Variants in GALNT9 observed in about 807,000 individuals in gnomAD.
GALNT9 encodes polypeptide N-acetylgalactosaminyltransferase 9.
Under a neutral mutation model 63.1 loss-of-function variants are expected in GALNT9, and 47 were observed. The ratio of observed to expected loss-of-function variants is 0.75; its 90% CI spans 0.59 to 0.95. The LOEUF is 0.95. GALNT9 is among the 40% of genes least tolerant of loss of function. The probability of loss-of-function intolerance (pLI) is 0.00; values close to 1 mark genes in which losing one functional copy is unlikely to be tolerated. For missense variants in GALNT9, 829 were observed against 874.8 expected (o/e 0.95, Z 0.66); for synonymous variants, 396 against 365.7 (o/e 1.08, Z -0.94).
In GALNT9 at chr12:132,196,673, G is replaced by A. The variant is rs181549382; in HGVS notation, c.*434C>T. ...TTAGGTCTTGGTTGGAGGGCTGAGC[G>A]GCCGCAAGTGCTGGGGGAGGCTGCT... On this transcript the variant is annotated 3_prime_UTR_variant, in exon 11 of 11. Transcript: ENST00000328957. 3.0e-4 allele frequency: 298 copies of A among 1,001,424 alleles called. 2 individuals carry two copies. In the African/African-American group the frequency reaches 4.4e-3, roughly 15 times the overall value. The allele number at this position is 1,001,424 out of a possible 1,614,324, so 62.0% of individuals were successfully genotyped here. A position where few individuals can be genotyped will look rare whatever the true frequency, so the allele number is the denominator to read the frequency against.
chr12:132,243,350 G>GC (rs1565997333), intron 6 of GALNT9, among the ~76,000 whole-genome samples: 1 of 96,194 alleles, frequency 1.0e-5, no homozygotes. Context: ...GGCCATCAGG[G>GC]CCCCCAGTGG....
In GALNT9 at chr12:132,327,759, GC is replaced by G. The variant is rs1555246617; in HGVS notation, c.238+1206del. Among the ~76,000 whole-genome samples, 1 of 152,146 alleles carries G rather than the reference GC, an allele frequency of 6.6e-6. No individual in the cohort carries two copies. Among genetic ancestry groups the G allele is most frequent in the Admixed American group, 6.5e-5 (1 of 15,276 alleles). ...GGGAAGGCGCTCAGGAAGTCAGGGT[GC>G]TCTGAGTCAGACAAAGCTGGGACAA... On this transcript the variant is annotated intron_variant, in intron 1 of 10. Coordinates refer to ENST00000328957, the MANE Select transcript of GALNT9 (RefSeq NM_001122636.2). This position sits in a 1 kb window ranked among gnomAD's most constrained non-coding sequence, Gnocchi z 4.3.
At chr12:132,276,545 A>G (rs1880098703) in intron 2 of GALNT9, 2 of 154,776 alleles carry the variant, frequency 1.3e-5, no homozygotes, top group Non-Finnish European at 1.5e-5. Flanking sequence ...ATCTGCATCT[A>G]TTAGAGCTGA....
chr12:132,287,083 C>T (rs868961390), intron 1 of GALNT9, among the ~76,000 whole-genome samples: 19 of 130,470 alleles, frequency 1.5e-4, no homozygotes, highest in African/African-American at 5.2e-4. Context: ...CCGTGAGCCA[C>T]AGCCCTCAGT....
intron 1 of GALNT9, among the ~76,000 whole-genome samples, chr12:132,308,482 G>A (rs1286887038): frequency 1.3e-5 from 2 of 152,306 alleles, no homozygotes; most frequent in East Asian, 3.9e-4. Flanking sequence ...CAGCCCCCAG[G>A]TGGTGCCTGC....
Position 132,196,925 on chromosome 12 carries a change from C to T in GALNT9, c.*182G>A. The T allele has an allele frequency of 7.0e-7, 1 of 1,436,230 alleles. No homozygotes were observed. Among genetic ancestry groups the T allele is most frequent in the Non-Finnish European group, 9.1e-7 (1 of 1,098,398 alleles). The allele number at this position is 1,436,230 out of a possible 1,614,324, so 89.0% of individuals were successfully genotyped here. On this transcript the variant is annotated 3_prime_UTR_variant, in exon 11 of 11. Transcript: ENST00000328957. ...GCCGCCTGTCCTAGGAGAAGCTGTA[C>T]TCCAGATGCAGTGGGTGACACCCTG...
At chr12:132,222,550 A>T (rs1877490103) in intron 6 of GALNT9, among the ~76,000 whole-genome samples, 2 of 152,074 alleles carry the variant, frequency 1.3e-5, no homozygotes, top group African/African-American at 4.8e-5. Flanking sequence ...AGCTCCTCAC[A>T]TGAACAAGCA....
intron 6 of GALNT9, chr12:132,240,576 C>A (rs2136898704): frequency 2.2e-6 from 1 of 454,112 alleles, no homozygotes; most frequent in Non-Finnish European, 4.4e-6. Context: ...CCGTGCGTGG[C>A]CCCGGGGCTC....
rs1878102154 is a variant in GALNT9 at position 132,238,938 on chromosome 12, A to G, written c.1077+8972T>C. ...ACTGTACAAATAAATACAATAAGAT[A>G]CACACCGCAGTTAAAGTGGTTGGAT... On this transcript the variant is annotated intron_variant, in intron 6 of 10. Coordinates refer to ENST00000328957, the MANE Select transcript of GALNT9 (RefSeq NM_001122636.2). This position sits in a 1 kb window ranked among gnomAD's most constrained non-coding sequence, Gnocchi z 6.5. 6.6e-6 allele frequency among the ~76,000 whole-genome samples: 1 copy of G among 152,204 alleles called. No homozygotes were observed.
intron 1 of GALNT9, among the ~76,000 whole-genome samples, chr12:132,289,063 G>C (rs1194669837): frequency 6.6e-6 from 1 of 152,186 alleles, no homozygotes; most frequent in African/African-American, 2.4e-5. Flanking sequence ...TGGGATCCTA[G>C]ATTTGGTCAG....
At chr12:132,266,725 T>G (rs1218973254) in intron 2 of GALNT9, among the ~76,000 whole-genome samples, 1 of 152,192 alleles carries the variant, frequency 6.6e-6, no homozygotes, top group Non-Finnish European at 1.5e-5. Flanking sequence ...CTTGTTACAG[T>G]GTCCACAGGA....
chr12:132,259,733 G>T (rs756845723), intron 4 of GALNT9, among the ~76,000 whole-genome samples: 4 of 152,206 alleles, frequency 2.6e-5, no homozygotes, highest in Admixed American at 6.5e-5. Context: ...AGCCAATCAT[G>T]ACAGTCCCAG....
At chr12:132,281,944 A>G (rs1415138507) in intron 2 of GALNT9, among the ~76,000 whole-genome samples, 13 of 125,490 alleles carry the variant, frequency 1.0e-4, no homozygotes, top group African/African-American at 2.1e-4. Context: ...CAGCTCCACT[A>G]CAGCAAGCCC....
Position 132,197,088 on chromosome 12 carries a change from G to T in GALNT9, c.*19C>A, listed in dbSNP as rs776572060. On this transcript the variant is annotated 3_prime_UTR_variant, in exon 11 of 11. Transcript: ENST00000328957. The stretch of plus-strand genomic sequence containing the variant: ...CCAGCGCCTTCCCGAGGTCTGTGGG[G>T]GTCCGGGCGGAGGTGGGGTCAGTGC... The T allele has an allele frequency of 6.2e-7, 1 of 1,613,120 alleles. No individual in the cohort carries two copies. Among genetic ancestry groups the T allele is most frequent in the South Asian group, 1.1e-5 (1 of 91,042 alleles).
intron 2 of GALNT9, among the ~76,000 whole-genome samples, chr12:132,285,464 G>A (rs1015564042): frequency 6.6e-6 from 1 of 152,266 alleles, no homozygotes; most frequent in African/African-American, 2.4e-5. Flanking sequence ...GCAGGTGTGA[G>A]GGTCAGCGAC....
intron 1 of GALNT9, among the ~76,000 whole-genome samples, chr12:132,302,344 C>T (rs146040419): frequency 3.9e-4 from 59 of 152,086 alleles, no homozygotes; most frequent in African/African-American, 1.1e-3. Context: ...TGTAAGATCA[C>T]GTAATGCCTC....
rs533533636 is a variant in GALNT9 at position 132,203,746 on chromosome 12, G to C, written c.1078-56C>G. ...CCTTCCCAACGGAAGCGGGCAGCCC[G>C]GCCAGCTAGGGGCCCGTGAGAGGCC... On this transcript the variant is annotated intron_variant, in intron 6 of 10. Coordinates refer to ENST00000328957, the MANE Select transcript of GALNT9 (RefSeq NM_001122636.2). 5 of 1,555,076 alleles carry C rather than the reference G, an allele frequency of 3.2e-6. No homozygotes were observed. The Admixed American group carries it at 8.8e-5, about 27-fold the overall frequency.
chr12:132,322,055 G>A (rs1868827728), intron 1 of GALNT9, among the ~76,000 whole-genome samples: 1 of 151,840 alleles, frequency 6.6e-6, no homozygotes, highest in Admixed American at 6.6e-5. Flanking sequence ...TTGGATTTAG[G>A]GCCCACTAAT....
chr12:132,262,734 G>A lies in GALNT9; in HGVS notation c.420-109C>T. The A allele has an allele frequency of 9.7e-6, 14 of 1,445,102 alleles. No homozygotes were observed. In the South Asian group the frequency reaches 1.8e-4, roughly 18 times the overall value. The allele number at this position is 1,445,102 out of a possible 1,614,324, so 89.5% of individuals were successfully genotyped here. Reference sequence around the variant, plus strand: ...GAGACACGGTTTGGGGTGCGGTCAGGGCGCAGCATGAGGGACCCCAGGAGC... The same window carrying A: ...GAGACACGGTTTGGGGTGCGGTCAGAGCGCAGCATGAGGGACCCCAGGAGC... On this transcript the variant is annotated intron_variant, in intron 2 of 10. Coordinates refer to ENST00000328957, the MANE Select transcript of GALNT9 (RefSeq NM_001122636.2).
Sources: allele counts gnomAD v4.1 joint callset (sites outside exome capture counted in the v4.1 genomes callset), GRCh38; gene constraint gnomAD v4.1.1; non-coding constraint Gnocchi (gnomAD v3.1); transcripts MANE v1.5; gene names NCBI Gene and HGNC (gene_info 2026-07-23, HGNC 2026-07-21).